Variants in KLRG1 observed in about 807,000 individuals in gnomAD.
KLRG1 encodes the protein killer cell lectin-like receptor subfamily G member 1.
In KLRG1, 16 loss-of-function variants were observed where a neutral mutation model predicts 21.8. That is an observed-to-expected ratio of 0.73 (90% CI 0.50 to 1.11). The LOEUF (loss-of-function observed/expected upper bound fraction) is 1.11. Ranked by LOEUF, KLRG1 falls within the 50% of genes most tolerant of loss-of-function variation. KLRG1 has a pLI of 0.00. For synonymous variants in KLRG1, 69 were observed against 75.9 expected, an observed-to-expected ratio of 0.91 and a Z score of 0.47; for missense variants, 173 against 218.3, an observed-to-expected ratio of 0.79 and a Z score of 1.31.
the KLRG1 span, among the ~76,000 whole-genome samples, chr12:9,123,674 G>T: frequency 6.9e-6 from 1 of 144,972 alleles, no homozygotes; most frequent in Non-Finnish European, 1.5e-5. Flanking sequence ...CTGCAGATAA[G>T]AGAGAACAAA....
intron 1 of KLRG1, among the ~76,000 whole-genome samples, chr12:8,981,115 G>A (rs1432782479): frequency 6.6e-6 from 1 of 152,068 alleles, no homozygotes; most frequent in African/African-American, 2.4e-5. Flanking sequence ...TTGTTTTTGT[G>A]GATATATAAG....
chr12:9,197,499 ATATAT>A, the KLRG1 span, among the ~76,000 whole-genome samples: 2 of 128,278 alleles, frequency 1.6e-5, no homozygotes, highest in Non-Finnish European at 3.1e-5. Context: ...TTATATATAA[ATATAT>A]TATGTATAAT....
chr12:9,113,612 T>G, the KLRG1 span: 1 of 1,417,896 alleles, frequency 7.1e-7, no homozygotes, highest in Non-Finnish European at 9.8e-7. Flanking sequence ...AGCACTTTTT[T>G]CCATCATCAT....
At chr12:9,040,287 G>T in the KLRG1 span, among the ~76,000 whole-genome samples, 2 of 151,998 alleles carry the variant, frequency 1.3e-5, no homozygotes, top group Admixed American at 6.6e-5. Flanking sequence ...AACTTCTCTC[G>T]CCTCATCTTG....
chr12:9,009,679 C>T lies in KLRG1; in HGVS notation c.*142C>T. The stretch of plus-strand genomic sequence containing the variant: ...AGATATGGCATTAGATGCAAGACAA[C>T]CTCCTAGGGATTGATGCCTAACTGA... On this transcript the variant is annotated 3_prime_UTR_variant, in exon 5 of 5. Transcript: ENST00000356986. The T allele has an allele frequency of 6.3e-6, 9 of 1,436,422 alleles. No homozygotes were observed. Among genetic ancestry groups the T allele is most frequent in the Non-Finnish European group, 8.2e-6 (9 of 1,099,224 alleles). The allele number at this position is 1,436,422 out of a possible 1,614,324, so 89.0% of individuals were successfully genotyped here. A position where few individuals can be genotyped will look rare whatever the true frequency, so the allele number is the denominator to read the frequency against.
At chr12:9,162,681 A>G in the KLRG1 span, 18 of 1,516,910 alleles carry the variant, frequency 1.2e-5, no homozygotes, top group South Asian at 2.1e-4. Flanking sequence ...GAGAAAAGAT[A>G]GAAACATCCT....
At chr12:9,142,690 A>G in the KLRG1 span, among the ~76,000 whole-genome samples, 1 of 152,146 alleles carries the variant, frequency 6.6e-6, no homozygotes, top group Non-Finnish European at 1.5e-5. Flanking sequence ...TTTTTTTTCT[A>G]ATTTTCCAAT....
At position 8,963,036 on chromosome 12, in the gene KLRG1, G is replaced by A. The variant is rs769169478; in HGVS notation, c.-156+12800G>A. 9.1e-4 allele frequency among the ~76,000 whole-genome samples: 138 copies of A among 152,310 alleles called. 1 individual carries two copies. The highest frequency in any genetic ancestry group is 3.2e-3 in the African/African-American group (133 of 41,576). On this transcript the variant is annotated intron_variant, in intron 1 of 4. Coordinates refer to the KLRG1 transcript ENST00000539240. ...TGAAAGTCAATGATAAAGAGAACATGTTAAAAGCAGCCAGAGAAAAAATAT... is the reference window on the plus strand; with the variant it reads ...TGAAAGTCAATGATAAAGAGAACATATTAAAAGCAGCCAGAGAAAAAATAT...
At chr12:9,202,176 G>T in the KLRG1 span, 1 of 715,060 alleles carries the variant, frequency 1.4e-6, no homozygotes, top group Non-Finnish European at 2.3e-6. Flanking sequence ...TTTTGTATAA[G>T]ACTGCAAATC....
the KLRG1 span, among the ~76,000 whole-genome samples, chr12:9,084,899 C>T: frequency 6.6e-6 from 1 of 151,984 alleles, no homozygotes. Context: ...TTCAACAAAA[C>T]AGACTTAAAG....
At chr12:9,111,386 G>C in the KLRG1 span, 3 of 365,894 alleles carry the variant, frequency 8.2e-6, no homozygotes, top group Non-Finnish European at 1.6e-5. Flanking sequence ...TGGGTGTGGT[G>C]CCTCATTTTA....
chr12:9,080,105 A>G, the KLRG1 span: 7 of 1,585,768 alleles, frequency 4.4e-6, no homozygotes, highest in Non-Finnish European at 6.0e-6. Flanking sequence ...CAAAACTGAG[A>G]CAGAAGCTCG....
At chr12:9,169,784 G>T in the KLRG1 span, 1 of 461,456 alleles carries the variant, frequency 2.2e-6, no homozygotes, top group Non-Finnish European at 3.6e-6. Context: ...AAACCTACTT[G>T]GGAAAATGCT....
At chr12:8,955,522 T>TGG (rs35752974) in intron 1 of KLRG1, among the ~76,000 whole-genome samples, 53,207 of 149,746 alleles carry the variant, frequency 0.36, 10,839 homozygotes, top group South Asian at 0.46. Context: ...GTGGAGTAGG[T>TGG]GGGACCACAG....
the KLRG1 span, among the ~76,000 whole-genome samples, chr12:9,215,509 A>G: frequency 1.3e-5 from 2 of 152,040 alleles, no homozygotes; most frequent in South Asian, 4.1e-4. Flanking sequence ...TTTTTATACA[A>G]TATGTAACTC....
the KLRG1 span, among the ~76,000 whole-genome samples, chr12:9,132,779 A>T: frequency 5.3e-5 from 8 of 152,234 alleles, no homozygotes; most frequent in East Asian, 1.3e-3. Context: ...AAATTATCAC[A>T]TCTGAAGCAC....
the KLRG1 span, chr12:9,203,756 C>G: frequency 6.2e-7 from 1 of 1,613,734 alleles, no homozygotes; most frequent in Middle Eastern, 1.7e-4. Flanking sequence ...CAGCTGGCAC[C>G]GTAGCACTCA....
chr12:8,966,147 G>A (rs1156253449), intron 1 of KLRG1, among the ~76,000 whole-genome samples: 2 of 152,186 alleles, frequency 1.3e-5, no homozygotes, highest in African/African-American at 4.8e-5. Flanking sequence ...ATAGAAAGCT[G>A]AAACTGGATC....
chr12:9,180,065 A>G, the KLRG1 span, among the ~76,000 whole-genome samples: 3 of 152,224 alleles, frequency 2.0e-5, no homozygotes, highest in East Asian at 1.9e-4. Context: ...TTGAGAAACT[A>G]TCAAGTACTC....
Sources: gnomAD v4.1 joint callset for allele counts (sites outside exome capture counted in the v4.1 genomes callset) on GRCh38, gnomAD v4.1.1 for gene constraint, MANE v1.5 for transcripts, NCBI Gene and HGNC (gene_info 2026-07-23, HGNC 2026-07-21) for gene names.